The following TRMT9B variants were observed in gnomAD, a reference collection of about 807,000 sequenced individuals.
The protein encoded by TRMT9B is tRNA methyltransferase 9B (putative).
A neutral mutation model predicts 11.5 loss-of-function variants in TRMT9B; 16 were observed. That is an observed-to-expected ratio of 1.39 (90% CI 0.94 to 2.11). The LOEUF is 2.11. TRMT9B is among the 30% of genes most tolerant of loss of function. The pLI, the probability that TRMT9B is intolerant of heterozygous loss-of-function variation, is 0.00. For synonymous variants in TRMT9B, 274 were observed against 192.4 expected, an observed-to-expected ratio of 1.42 and a Z score of -3.51; for missense variants, 941 against 553.8, an observed-to-expected ratio of 1.70 and a Z score of -7.02.
intron 1 of TRMT9B, among the ~76,000 whole-genome samples, chr8:12,971,670 T>A (rs944907162): frequency 6.6e-6 from 1 of 151,810 alleles, no homozygotes; most frequent in Non-Finnish European, 1.5e-5. Flanking sequence ...AACAAGAAAA[T>A]GGGGGGCAGG....
chr8:12,966,240 TCC>T (rs879422761), intron 1 of TRMT9B, among the ~76,000 whole-genome samples: 1 of 152,008 alleles, frequency 6.6e-6, no homozygotes, highest in Non-Finnish European at 1.5e-5. Flanking sequence ...GCTACTGCAC[TCC>T]AGCCTCGGTG....
intron 1 of TRMT9B, among the ~76,000 whole-genome samples, chr8:12,965,469 C>T (rs77208035): frequency 0.05 from 7,545 of 152,236 alleles, 233 homozygotes; most frequent in South Asian, 0.1. Flanking sequence ...CCCCAGCATC[C>T]GGATCCCCGT....
chr8:12,952,190 C>G (rs1235675667), intron 1 of TRMT9B: 3 of 454,508 alleles, frequency 6.6e-6, no homozygotes, highest in Non-Finnish European at 1.3e-5. Context: ...CCACACCGTG[C>G]GGAAAGCGCC....
In TRMT9B at chr8:13,022,273, T is replaced by A. The variant is rs536534504; in HGVS notation, c.*229T>A. On this transcript the variant is annotated 3_prime_UTR_variant, in exon 5 of 5. Transcript: ENST00000524591. ...TGTGCTTAAATGTTAATATACAAGA[T>A]CTGAAGAAGCAACAGAAAGTACCCT... The A allele has an allele frequency of 2.1e-4, 95 of 448,578 alleles. No individual in the cohort carries two copies. Among genetic ancestry groups the A allele is most frequent in the African/African-American group, 1.9e-3 (92 of 49,470 alleles). The allele number at this position is 448,578 out of a possible 1,614,324, so 27.8% of individuals were successfully genotyped here.
intron 3 of TRMT9B, among the ~76,000 whole-genome samples, chr8:13,009,123 T>C (rs1286289758): frequency 6.6e-6 from 1 of 152,108 alleles, no homozygotes; most frequent in Non-Finnish European, 1.5e-5. Flanking sequence ...ACCTGGAAGA[T>C]ATTATGCTAG....
chr8:13,001,054 C>T (rs1471058151), intron 2 of TRMT9B, among the ~76,000 whole-genome samples: 1 of 151,796 alleles, frequency 6.6e-6, no homozygotes, highest in Non-Finnish European at 1.5e-5. Flanking sequence ...CTGCCTTTCC[C>T]CCCACCATGT....
intron 4 of TRMT9B, among the ~76,000 whole-genome samples, chr8:13,017,565 G>T (rs1812955048): frequency 6.7e-6 from 1 of 148,206 alleles, no homozygotes; most frequent in Non-Finnish European, 1.5e-5. Flanking sequence ...ACATGTATGC[G>T]TATGCATGTC....
intron 4 of TRMT9B, among the ~76,000 whole-genome samples, chr8:13,018,174 G>A (rs1402419332): frequency 6.6e-6 from 1 of 150,718 alleles, no homozygotes; most frequent in Admixed American, 6.6e-5. Context: ...GGCTGAGGCA[G>A]GAGGATGGCT....
At chr8:13,003,434 A>T (rs1049801721) in intron 2 of TRMT9B, among the ~76,000 whole-genome samples, 4 of 152,090 alleles carry the variant, frequency 2.6e-5, no homozygotes, top group African/African-American at 9.7e-5. Context: ...AAGGTCAGGG[A>T]AGTCTTCCTG....
intron 1 of TRMT9B, among the ~76,000 whole-genome samples, chr8:12,971,827 A>G (rs749646636): frequency 5.9e-5 from 9 of 152,106 alleles, no homozygotes; most frequent in Non-Finnish European, 1.3e-4. Context: ...GTGTTTAAAT[A>G]TTTCCTATTT....
At chr8:12,954,098 G>C (rs1308035527) in intron 1 of TRMT9B, among the ~76,000 whole-genome samples, 2 of 152,188 alleles carry the variant, frequency 1.3e-5, no homozygotes, top group South Asian at 4.1e-4. Flanking sequence ...GTGAAATTGG[G>C]AATACCCTGT....
intron 1 of TRMT9B, among the ~76,000 whole-genome samples, chr8:12,965,760 C>A (rs957202204): frequency 1.3e-5 from 2 of 152,090 alleles, no homozygotes; most frequent in African/African-American, 4.8e-5. Flanking sequence ...CGCCTGTAAT[C>A]CCAGCATGTG....
chr8:12,985,371 T>G (rs1217971086), intron 1 of TRMT9B, among the ~76,000 whole-genome samples: 2 of 152,222 alleles, frequency 1.3e-5, no homozygotes, highest in African/African-American at 4.8e-5. Flanking sequence ...GGTGTATCAT[T>G]AAGGAGTTCT....
chr8:13,006,181 G>T (rs1275650753), intron 2 of TRMT9B, 21 bp from the exon 3 acceptor site: 2 of 1,612,772 alleles, frequency 1.2e-6, no homozygotes, highest in Non-Finnish European at 1.7e-6. Context: ...GCATGCCTTG[G>T]GTTGGTCCTG....
chr8:12,998,408 A>T lies in TRMT9B; in HGVS notation c.-2+7377A>T, dbSNP rs531943254. ...CAGTATTTGGAGACAGAACTGTTCTAAAGCCACGTGTGTTTTCCATAGAGC... is the reference window on the plus strand; with the variant it reads ...CAGTATTTGGAGACAGAACTGTTCTTAAGCCACGTGTGTTTTCCATAGAGC... On this transcript the variant is annotated intron_variant, in intron 2 of 4. Transcript: ENST00000524591. Among the ~76,000 whole-genome samples, 30 of 152,364 alleles carry T rather than the reference A, an allele frequency of 2.0e-4. No individual in the cohort carries two copies. In the South Asian group the frequency reaches 6.0e-3, roughly 30 times the overall value.
chr8:13,002,203 C>G (rs1020435535), intron 2 of TRMT9B, among the ~76,000 whole-genome samples: 9 of 152,140 alleles, frequency 5.9e-5, no homozygotes, highest in Non-Finnish European at 1.3e-4. Flanking sequence ...AAATTCTGAG[C>G]TTGAAATTGA....
At chr8:12,985,402 A>T (rs13281642) in intron 1 of TRMT9B, among the ~76,000 whole-genome samples, 7,291 of 152,230 alleles carry the variant, frequency 0.048, 219 homozygotes, top group South Asian at 0.096. Flanking sequence ...GAAAATATTT[A>T]TGAAGCTGTT....
Position 13,029,188 on chromosome 8 carries a change from G to GTTTT in TRMT9B, c.*7147_*7148insTTTT, listed in dbSNP as rs765773118. 2.5e-5 allele frequency: 4 copies of GTTTT among 158,778 alleles called. No homozygotes were observed. The highest frequency in any genetic ancestry group is 8.1e-5 in the African/African-American group (3 of 37,044). 9.8% of individuals were successfully genotyped at this position (158,778 alleles called of 1,614,324 possible). A position where few individuals can be genotyped will look rare whatever the true frequency, so the allele number is the denominator to read the frequency against. On this transcript the variant is annotated 3_prime_UTR_variant, in exon 5 of 5. Transcript: ENST00000524591. ...GTATTTCATTGAATAAATAGCTTTT[G>GTTTT]TTTGTTTGTTTGTTTGTTTCAGGGA...
chr8:13,015,098 T>A (rs1307878758), intron 4 of TRMT9B, among the ~76,000 whole-genome samples: 3 of 147,382 alleles, frequency 2.0e-5, no homozygotes, highest in Non-Finnish European at 4.5e-5. Context: ...AATAAATAAA[T>A]AAAATAAAAA....
Sources: gnomAD v4.1 joint callset for allele counts (sites outside exome capture counted in the v4.1 genomes callset) on GRCh38, gnomAD v4.1.1 for gene constraint, MANE v1.5 for transcripts, NCBI Gene and HGNC (gene_info 2026-07-23, HGNC 2026-07-21) for gene names.